MEIG1: variants seen among roughly 807,000 people sequenced by gnomAD.
The protein encoded by MEIG1 is meiosis expressed gene 1 protein homolog.
Under a neutral mutation model 11.3 loss-of-function variants are expected in MEIG1, and 12 were observed. That is an observed-to-expected ratio of 1.07 (90% confidence interval 0.68 to 1.73). The LOEUF (loss-of-function observed/expected upper bound fraction) is 1.73, where lower values mean the gene tolerates loss of function less well. Among genes scored for constraint, MEIG1 ranks in the 40% most tolerant of loss-of-function variants. The pLI is 0.00. For missense variants in MEIG1, 119 were observed against 104.9 expected (o/e 1.13, Z -0.59); for synonymous variants, 41 against 33.2 (o/e 1.24, Z -0.81).
chr10:14,966,406 C>T (rs1453052248), intron 1 of MEIG1, 34 bp from the exon 2 acceptor site: 5 of 1,459,328 alleles, frequency 3.4e-6, no homozygotes, highest in Middle Eastern at 2.1e-4. Flanking sequence ...GTCACTATTA[C>T]ATTATCCATT....
At chr10:14,980,134 T>C (rs1843249369) in intron 1 of MEIG1, among the ~76,000 whole-genome samples, 1 of 152,054 alleles carries the variant, frequency 6.6e-6, no homozygotes, top group African/African-American at 2.4e-5. Flanking sequence ...ATTCGTAATA[T>C]CCTAAGGGGA....
At chr10:14,960,433 T>C (rs1395669337) in intron 1 of MEIG1, among the ~76,000 whole-genome samples, 1 of 152,148 alleles carries the variant, frequency 6.6e-6, no homozygotes. Flanking sequence ...TGTTTTAGTT[T>C]TTTGAGACGG....
intron 1 of MEIG1, among the ~76,000 whole-genome samples, chr10:14,965,834 G>A (rs1224930109): frequency 6.6e-6 from 1 of 152,062 alleles, no homozygotes; most frequent in Non-Finnish European, 1.5e-5. Flanking sequence ...ACAGCTTTTA[G>A]AACATCACTC....
intron 2 of MEIG1, 57 bp from the exon 3 acceptor site, chr10:14,972,456 A>G (rs903718245): frequency 6.2e-7 from 1 of 1,608,250 alleles, no homozygotes; most frequent in Non-Finnish European, 8.5e-7. Context: ...ATAGTAAAAT[A>G]TGAGATAAAA....
upstream of MEIG1, among the ~76,000 whole-genome samples, chr10:14,957,046 C>T (rs1311438082): frequency 1.3e-5 from 2 of 152,174 alleles, no homozygotes; most frequent in Admixed American, 6.5e-5. Flanking sequence ...AAAAGAGACC[C>T]TGTCTCAAAA....
At chr10:14,970,108 G>T (rs1293750676) in intron 2 of MEIG1, 1 of 152,190 alleles carries the variant, frequency 6.6e-6, no homozygotes, top group African/African-American at 2.4e-5. Flanking sequence ...CTTGCTTTGG[G>T]TGGGATGTTT....
chr10:14,954,343 G>A, the MEIG1 span: 4 of 426,144 alleles, frequency 9.4e-6, no homozygotes, highest in South Asian at 4.5e-5. Flanking sequence ...GCAGTCGCGG[G>A]AAGGGAAATC....
downstream of MEIG1, among the ~76,000 whole-genome samples, chr10:14,976,043 A>AG (rs1251252263): frequency 2.6e-5 from 4 of 152,090 alleles, no homozygotes; most frequent in East Asian, 1.9e-4. Flanking sequence ...CCTAATATCC[A>AG]GGGGGGGACC....
intron 1 of MEIG1, among the ~76,000 whole-genome samples, chr10:14,960,365 C>T (rs1842998062): frequency 6.6e-6 from 1 of 152,164 alleles, no homozygotes; most frequent in African/African-American, 2.4e-5. Flanking sequence ...ACATCAGAAG[C>T]TTCTGTTCCA....
At chr10:14,967,155 T>C (rs1843094745) in intron 2 of MEIG1, among the ~76,000 whole-genome samples, 1 of 149,952 alleles carries the variant, frequency 6.7e-6, no homozygotes, top group South Asian at 2.1e-4. Flanking sequence ...GCAACTGTGC[T>C]CTGCTAAATG....
At chr10:14,979,789 T>G (rs1843246534) in intron 1 of MEIG1, among the ~76,000 whole-genome samples, 1 of 151,640 alleles carries the variant, frequency 6.6e-6, no homozygotes, top group African/African-American at 2.4e-5. Flanking sequence ...TGTGCACACA[T>G]GGTGTACACC....
At chr10:14,963,997 C>G (rs1336959870) in intron 1 of MEIG1, among the ~76,000 whole-genome samples, 1 of 151,008 alleles carries the variant, frequency 6.6e-6, no homozygotes, top group African/African-American at 2.4e-5. Context: ...ACTCAGGAGG[C>G]TGAGGCAGGA....
rs537827516 is a variant in MEIG1 at position 14,978,521 on chromosome 10, G to A, written n.66+5901G>A. Among the ~76,000 whole-genome samples, 7 of 151,792 alleles carry A rather than the reference G, an allele frequency of 4.6e-5. No homozygotes were observed. In the East Asian group the frequency reaches 1.4e-3, roughly 30 times the overall value. On this transcript the variant is annotated intron_variant and non_coding_transcript_variant, in intron 1 of 2. Transcript: ENST00000467536. ...TGCACACCCTGTGATATTATTCACA[G>A]TATATGAGAGGGATATTAGCACTGA...
At chr10:14,961,494 G>T (rs142586915) in intron 1 of MEIG1, among the ~76,000 whole-genome samples, 21 of 152,062 alleles carry the variant, frequency 1.4e-4, no homozygotes, top group African/African-American at 5.1e-4. Flanking sequence ...TTTTTGAGAT[G>T]GTGTCTTGCT....
chr10:14,975,526 G>A (rs1843200615), downstream of MEIG1, among the ~76,000 whole-genome samples: 1 of 152,080 alleles, frequency 6.6e-6, no homozygotes, highest in Non-Finnish European at 1.5e-5. Context: ...CTATTATCCA[G>A]AAGAGGAGAA....
intron 1 of MEIG1, among the ~76,000 whole-genome samples, chr10:14,981,072 C>A (rs1264030864): frequency 6.6e-6 from 1 of 152,128 alleles, no homozygotes; most frequent in Non-Finnish European, 1.5e-5. Context: ...TCCACAAGTT[C>A]TTAGGTGCTT....
rs577286023 is a variant in MEIG1, at chr10:14,987,802, C to T, written n.300C>T. ...CTCTCTTTCAGAAAAAGATCTCAGT[C>T]TAATTGAAAGAAATTAAGAAGCCGT... On this transcript the variant is annotated non_coding_transcript_exon_variant, in exon 3 of 3. Coordinates refer to the MEIG1 transcript ENST00000467536. The T allele has an allele frequency of 7.2e-5, 13 of 179,884 alleles. No individual in the cohort carries two copies. In the Admixed American group the frequency reaches 7.6e-4, roughly 11 times the overall value. The allele number at this position is 179,884 out of a possible 1,614,324, so 11.1% of individuals were successfully genotyped here.
chr10:14,958,894 T>TA (rs977576491), upstream of MEIG1, among the ~76,000 whole-genome samples: 15 of 149,712 alleles, frequency 1.0e-4, no homozygotes, highest in East Asian at 2.0e-4. Context: ...AGACTCCGTC[T>TA]AAAAAAAAAC....
intron 1 of MEIG1, among the ~76,000 whole-genome samples, chr10:14,978,997 C>T (rs749484490): frequency 9.9e-5 from 15 of 151,436 alleles, no homozygotes; most frequent in East Asian, 2.0e-4. Flanking sequence ...TAATGTCACC[C>T]GGCGTGTACA....
Sources: allele counts gnomAD v4.1 joint callset (sites outside exome capture counted in the v4.1 genomes callset), GRCh38; gene constraint gnomAD v4.1.1; transcripts MANE v1.5; gene names NCBI Gene and HGNC (gene_info 2026-07-23, HGNC 2026-07-21).